CASP4: variants seen among roughly 807,000 people sequenced by gnomAD.
The protein encoded by CASP4 is caspase 4, also known as caspase-4.
CASP4 carries 29 observed loss-of-function variants against 41.3 expected under a neutral mutation model. The observed-to-expected ratio is 0.70, with a 90% CI of 0.52 to 0.96. The LOEUF (loss-of-function observed/expected upper bound fraction) is 0.96. Ranked by LOEUF, CASP4 falls within the 40% of genes least tolerant of loss-of-function variation. The pLI is 0.00. For synonymous variants in CASP4, 185 were observed against 158.4 expected (o/e 1.17, Z -1.26); for missense variants, 447 against 460.6 (o/e 0.97, Z 0.27).
intron 4 of CASP4, among the ~76,000 whole-genome samples, chr11:104,950,330 C>T (rs945248110): frequency 4.6e-5 from 7 of 152,122 alleles, no homozygotes; most frequent in African/African-American, 1.7e-4. Flanking sequence ...TCCAACCAAC[C>T]CAAAAACGTT....
chr11:104,949,238 C>G, intron 5 of CASP4: 1 of 403,170 alleles, frequency 2.5e-6, no homozygotes. Context: ...AAAACATTTA[C>G]AAATCAAGCT....
intron 7 of CASP4, among the ~76,000 whole-genome samples, chr11:104,946,117 G>A (rs1392568540): frequency 6.6e-6 from 1 of 152,132 alleles, no homozygotes; most frequent in Non-Finnish European, 1.5e-5. Context: ...AGAGTGCTGG[G>A]ATTACAGGAA....
At chr11:104,944,952 G>C (rs144940871) in intron 7 of CASP4, 101 bp from the exon 8 acceptor site, 17 of 818,744 alleles carry the variant, frequency 2.1e-5, no homozygotes, top group Admixed American at 1.1e-4. Context: ...AAGTGAGCTT[G>C]CAGGTTTCAT....
At chr11:104,958,954 CTG>C (rs1187134512) in intron 1 of CASP4, among the ~76,000 whole-genome samples, 6 of 88,354 alleles carry the variant, frequency 6.8e-5, no homozygotes, top group Non-Finnish European at 9.9e-5. Flanking sequence ...GAGTGAGACT[CTG>C]TCTCAAAAAA....
chr11:104,946,986 C>T, intron 7 of CASP4, 97 bp downstream of exon 7: 4 of 840,748 alleles, frequency 4.8e-6, no homozygotes, highest in South Asian at 3.1e-5. Flanking sequence ...TCTCTACTTT[C>T]ACTTCCCTGA....
intron 7 of CASP4, among the ~76,000 whole-genome samples, chr11:104,946,046 T>G (rs1860450914): frequency 6.6e-6 from 1 of 152,016 alleles, no homozygotes; most frequent in Admixed American, 6.6e-5. Flanking sequence ...GGTTTTGCCA[T>G]GTTGCCCAGG....
intron 7 of CASP4, 99 bp from the exon 8 acceptor site, chr11:104,944,950 T>C (rs1288301462): frequency 1.2e-6 from 1 of 832,820 alleles, no homozygotes; most frequent in Admixed American, 2.1e-5. Context: ...TGAAGTGAGC[T>C]TGCAGGTTTC....
intron 1 of CASP4, among the ~76,000 whole-genome samples, chr11:104,958,960 C>CAAAAAAAA (rs56678254): frequency 1.6e-5 from 1 of 62,466 alleles, no homozygotes; most frequent in African/African-American, 6.0e-5. Flanking sequence ...GACTCTGTCT[C>CAAAAAAAA]AAAAAAAAAA....
At chr11:104,950,840 C>T in intron 4 of CASP4, 85 bp downstream of exon 4, 2 of 1,106,702 alleles carry the variant, frequency 1.8e-6, no homozygotes. Context: ...GTTGTTAAAC[C>T]TTGTTGAGCT....
In CASP4 at chr11:104,960,775, T is replaced by A. The variant is rs374810841; in HGVS notation, c.8-5774A>T. On this transcript the variant is annotated intron_variant, in intron 1 of 8. Coordinates refer to ENST00000444739, the MANE Select transcript of CASP4 (RefSeq NM_001225.4). Reference sequence around the variant, plus strand: ...CAGGCCTGAGCCACCACATCCAGCCTTTTTTTTTATTTTTCCATTTAATTG... The same window carrying A: ...CAGGCCTGAGCCACCACATCCAGCCATTTTTTTTATTTTTCCATTTAATTG... 3.8e-4 allele frequency among the ~76,000 whole-genome samples: 57 copies of A among 151,546 alleles called. No homozygotes were observed. The East Asian group carries it at 0.01, about 27-fold the overall frequency.
intron 7 of CASP4, among the ~76,000 whole-genome samples, chr11:104,945,273 G>A (rs1372765591): frequency 1.4e-5 from 2 of 144,328 alleles, no homozygotes; most frequent in Non-Finnish European, 3.0e-5. Flanking sequence ...TTTTTTTTAA[G>A]ATGGAGTCTT....
At chr11:104,950,869 A>G (rs1397881502) in intron 4 of CASP4, 56 bp downstream of exon 4, 1 of 1,535,388 alleles carries the variant, frequency 6.5e-7, no homozygotes, top group Non-Finnish European at 8.9e-7. Flanking sequence ...CTAGGTAGTT[A>G]TTAGAAGGAT....
chr11:104,956,168 C>G (rs994777956), intron 1 of CASP4, among the ~76,000 whole-genome samples: 10 of 152,002 alleles, frequency 6.6e-5, no homozygotes, highest in Non-Finnish European at 1.2e-4. Context: ...TCATCATTAT[C>G]ATTTACATAT....
chr11:104,944,490 C>A, intron 8 of CASP4: 2 of 379,802 alleles, frequency 5.3e-6, no homozygotes, highest in Middle Eastern at 7.6e-4. Flanking sequence ...AATTACTATC[C>A]TTGGTTTTTC....
intron 1 of CASP4, among the ~76,000 whole-genome samples, chr11:104,965,864 C>T (rs756517682): frequency 9.2e-5 from 14 of 152,206 alleles, no homozygotes; most frequent in East Asian, 5.8e-4. Flanking sequence ...ATTTTTCAGA[C>T]GCTGCACTCA....
intron 6 of CASP4, 37 bp from the exon 7 acceptor site, chr11:104,947,229 CT>C: frequency 8.3e-7 from 1 of 1,205,726 alleles, no homozygotes; most frequent in East Asian, 2.4e-5. Context: ...TGGGCTATGA[CT>C]TTCACTATGT....
intron 1 of CASP4, among the ~76,000 whole-genome samples, chr11:104,963,832 A>C (rs1402153734): frequency 6.6e-6 from 1 of 152,154 alleles, no homozygotes; most frequent in African/African-American, 2.4e-5. Flanking sequence ...ATCCAGTATA[A>C]AATGGCATCC....
intron 1 of CASP4, among the ~76,000 whole-genome samples, chr11:104,955,240 G>C (rs1860712205): frequency 6.7e-6 from 1 of 149,250 alleles, no homozygotes; most frequent in Non-Finnish European, 1.5e-5. Context: ...TTTTCTTTTA[G>C]CTTCTCAACT....
intron 8 of CASP4, 81 bp downstream of exon 8, chr11:104,944,667 C>T: frequency 1.1e-6 from 1 of 877,624 alleles, no homozygotes; most frequent in Non-Finnish European, 1.9e-6. Context: ...AAGTACTCAG[C>T]TGTCATTTGT....
Sources: gnomAD v4.1 joint callset for allele counts (sites outside exome capture counted in the v4.1 genomes callset) on GRCh38, gnomAD v4.1.1 for gene constraint, MANE v1.5 for transcripts, NCBI Gene and HGNC (gene_info 2026-07-23, HGNC 2026-07-21) for gene names.